The following CRACD variants were observed in gnomAD, a reference collection of about 807,000 sequenced individuals.
CRACD encodes the protein capping protein inhibiting regulator of actin dynamics, also known as capping protein-inhibiting regulator of actin dynamics.
A neutral mutation model predicts 106.8 loss-of-function variants in CRACD; 56 were observed. The observed-to-expected ratio is 0.52, with a 90% CI of 0.42 to 0.66. The LOEUF (loss-of-function observed/expected upper bound fraction) is 0.66, where lower values mean the gene tolerates loss of function less well. Among genes scored for constraint, CRACD ranks in the 30% least tolerant of loss-of-function variants. The pLI is 0.00. For missense variants in CRACD, 1,730 were observed against 1,623.2 expected (o/e 1.07, Z -1.13); for synonymous variants, 754 against 670.8 (o/e 1.12, Z -1.92).
intron 1 of CRACD, among the ~76,000 whole-genome samples, chr4:56,122,714 C>T (rs764766899): frequency 2.4e-4 from 37 of 152,260 alleles, no homozygotes; most frequent in Admixed American, 8.5e-4. Flanking sequence ...AGGAGAGCCT[C>T]CTTGTTTGTT....
At position 56,315,163 on chromosome 4, in the gene CRACD, A is replaced by C; in HGVS notation, c.1661A>C (p.Asn554Thr). The C allele has an allele frequency of 6.2e-7, 1 of 1,603,568 alleles. No individual in the cohort carries two copies. The highest frequency in any genetic ancestry group is 8.5e-7 in the Non-Finnish European group (1 of 1,175,724). Reference sequence around the variant, plus strand: ...AAGCAGATTCTCTTTCCCAAAGTCAACCTGAGCCCCGTGACGCCCGCAAAG... The same window carrying C: ...AAGCAGATTCTCTTTCCCAAAGTCACCCTGAGCCCCGTGACGCCCGCAAAG... ...GGKQILFPKV[N>T]LSPVTPAKDT... The change falls in exon 8 of 11, where the codon AAC (asparagine) becomes ACC (threonine). Residue 554 changes from asparagine to threonine, a missense_variant. This residue lies in a region of CRACD where 1,620 missense variants were observed against 1,481.6 expected (regional missense o/e 1.09). Transcript: ENST00000682029. The surrounding 1 kb of genome is among the most constrained non-coding windows in gnomAD (Gnocchi z 4.1).
intron 3 of CRACD, among the ~76,000 whole-genome samples, chr4:56,282,843 C>T (rs1395119013): frequency 6.6e-6 from 1 of 152,226 alleles, no homozygotes; most frequent in African/African-American, 2.4e-5. Context: ...CTGCCTCTTG[C>T]TTTTCATTGT....
At chr4:56,221,126 T>A (rs556910901) in intron 2 of CRACD, among the ~76,000 whole-genome samples, 1 of 152,276 alleles carries the variant, frequency 6.6e-6, no homozygotes, top group African/African-American at 2.4e-5. Context: ...GGAGTTGAAC[T>A]TGATCCTGTA....
intron 3 of CRACD, among the ~76,000 whole-genome samples, chr4:56,290,475 A>G (rs1365190561): frequency 6.6e-6 from 1 of 152,150 alleles, no homozygotes; most frequent in African/African-American, 2.4e-5. Flanking sequence ...AGAAGAAGAG[A>G]GTATTGGAGT....
chr4:56,070,029 A>G (rs985014340), intron 1 of CRACD, among the ~76,000 whole-genome samples: 3 of 152,210 alleles, frequency 2.0e-5, no homozygotes, highest in African/African-American at 7.2e-5. Flanking sequence ...GGAAACGGAG[A>G]GTCAGATGTT....
chr4:56,235,903 CA>C (rs1402917274), intron 2 of CRACD, among the ~76,000 whole-genome samples: 1 of 152,150 alleles, frequency 6.6e-6, no homozygotes, highest in Non-Finnish European at 1.5e-5. Context: ...AGTTTTAAGA[CA>C]AGAACATGTT....
chr4:56,201,134 A>G (rs1004855622), intron 2 of CRACD, among the ~76,000 whole-genome samples: 1 of 152,168 alleles, frequency 6.6e-6, no homozygotes, highest in Admixed American at 6.5e-5. Flanking sequence ...AAAATTTCTT[A>G]TGAGCGTCTT....
At chr4:56,310,154 C>T (rs1321789779) in intron 5 of CRACD, among the ~76,000 whole-genome samples, 2 of 152,134 alleles carry the variant, frequency 1.3e-5, no homozygotes, top group South Asian at 2.1e-4. Context: ...TTTTCTTCTC[C>T]CTTTCTGCTG....
At chr4:56,205,140 A>G (rs1216201951) in intron 2 of CRACD, among the ~76,000 whole-genome samples, 1 of 152,210 alleles carries the variant, frequency 6.6e-6, no homozygotes, top group African/African-American at 2.4e-5. Context: ...TTGGCAACAG[A>G]GTAAGACCCT....
rs889334651 is a variant in CRACD at position 56,314,883 on chromosome 4, C to A, written c.1381C>A (p.Arg461=). 9 of 1,611,030 alleles carry A rather than the reference C, an allele frequency of 5.6e-6. No homozygotes were observed. The highest frequency in any genetic ancestry group is 2.2e-5 in the East Asian group (1 of 44,746). The change falls in exon 8 of 11, where the codon CGA becomes AGA. Residue 461 remains arginine (R), a synonymous_variant. Transcript: ENST00000682029. This position sits in a 1 kb window ranked among gnomAD's most constrained non-coding sequence, Gnocchi z 4.4. ...CEEQNPEAER[R]REQQGRSGDF... ...GGAGCAGAACCCAGAGGCCGAGCGG[C>A]GAAGAGAGCAGCAGGGAAGGAGCGG...
In CRACD at chr4:56,199,436, C is replaced by T. The variant is rs193158940; in HGVS notation, c.-189+20006C>T. On this transcript the variant is annotated intron_variant, in intron 2 of 10. Coordinates refer to ENST00000682029, the MANE Select transcript of CRACD (RefSeq NM_001393381.1). ...CAGTGGCTCATGCCTGTAATCCCAG[C>T]ACTTTGGGAGGCCGAGGCGGGTGAA... is the stretch of plus-strand genomic sequence containing the variant. Among the ~76,000 whole-genome samples the T allele has an allele frequency of 4.5e-3, 691 of 152,204 alleles. 1 individual carries two copies. The highest frequency in any genetic ancestry group is 7.2e-3 in the Non-Finnish European group (493 of 68,006).
At chr4:56,192,106 T>A (rs1737396609) in intron 2 of CRACD, among the ~76,000 whole-genome samples, 1 of 152,184 alleles carries the variant, frequency 6.6e-6, no homozygotes, top group African/African-American at 2.4e-5. Context: ...CAAGAAGGTA[T>A]ACTGGCCAGG....
At chr4:56,103,979 G>A (rs112652238) in intron 1 of CRACD, among the ~76,000 whole-genome samples, 47 of 152,244 alleles carry the variant, frequency 3.1e-4, no homozygotes, top group Non-Finnish European at 5.7e-4. Flanking sequence ...TCACCATGTT[G>A]ATCAGGATGG....
At chr4:56,322,995 C>G (rs1577918174) in intron 8 of CRACD, among the ~76,000 whole-genome samples, 1 of 152,068 alleles carries the variant, frequency 6.6e-6, no homozygotes, top group Non-Finnish European at 1.5e-5. Context: ...CACCACTGCT[C>G]CAGCCTGGGT....
intron 1 of CRACD, among the ~76,000 whole-genome samples, chr4:56,138,893 A>G (rs1735096953): frequency 1.3e-5 from 2 of 152,204 alleles, no homozygotes; most frequent in African/African-American, 2.4e-5. Flanking sequence ...TCCAGAAGAG[A>G]TCTTCTATTT....
At chr4:56,137,632 G>A (rs1735050426) in intron 1 of CRACD, among the ~76,000 whole-genome samples, 1 of 152,112 alleles carries the variant, frequency 6.6e-6, no homozygotes, top group African/African-American at 2.4e-5. Flanking sequence ...CTTCATTATG[G>A]CCAGAACTCA....
intron 3 of CRACD, among the ~76,000 whole-genome samples, chr4:56,284,337 A>G (rs1743209895): frequency 2.7e-5 from 4 of 149,020 alleles, no homozygotes; most frequent in Admixed American, 2.0e-4. Context: ...AAATTTGATA[A>G]TAGAAAGCAC....
In CRACD at chr4:56,244,726, C is replaced by T. The variant is rs1397762103; in HGVS notation, c.-188-27595C>T. Among the ~76,000 whole-genome samples the T allele has an allele frequency of 2.0e-5, 3 of 152,358 alleles. No homozygotes were observed. The East Asian group carries it at 5.8e-4, about 29-fold the overall frequency. On this transcript the variant is annotated intron_variant, in intron 2 of 10. Coordinates refer to ENST00000682029, the MANE Select transcript of CRACD (RefSeq NM_001393381.1). The stretch of plus-strand genomic sequence containing the variant: ...CCATGATGAAAGGGTTAATACCTGG[C>T]CCAGAAGTGGGCCTCCAGGACCCTG...
intron 1 of CRACD, among the ~76,000 whole-genome samples, chr4:56,081,293 A>G (rs1733014929): frequency 1.3e-5 from 2 of 152,258 alleles, no homozygotes; most frequent in African/African-American, 4.8e-5. Context: ...GCTGTACCAT[A>G]TGACACCCAG....
Sources: allele counts gnomAD v4.1 joint callset (sites outside exome capture counted in the v4.1 genomes callset), GRCh38; gene constraint gnomAD v4.1.1; regional missense constraint gnomAD v4.1.1; non-coding constraint Gnocchi (gnomAD v3.1); transcripts MANE v1.5; gene names NCBI Gene and HGNC (gene_info 2026-07-23, HGNC 2026-07-21).